Variants in TENM3 observed in about 807,000 individuals in gnomAD.
TENM3 encodes teneurin-3.
A neutral mutation model predicts 255.1 loss-of-function variants in TENM3; 63 were observed. That is an observed-to-expected ratio of 0.25 (90% CI 0.20 to 0.30). TENM3 has a LOEUF of 0.30. Ranked by LOEUF, TENM3 falls within the 10% of genes least tolerant of loss-of-function variation. TENM3 has a pLI of 1.00. For synonymous variants in TENM3, 1,306 were observed against 1,322.3 expected, an observed-to-expected ratio of 0.99 and a Z score of 0.27; for missense variants, 2,929 against 3,461.1, an observed-to-expected ratio of 0.85 and a Z score of 3.86.
intron 22 of TENM3, among the ~76,000 whole-genome samples, chr4:182,756,565 A>T (rs2152757511): frequency 6.6e-6 from 1 of 152,342 alleles, no homozygotes; most frequent in Non-Finnish European, 1.5e-5. Flanking sequence ...TGTGGTTTTC[A>T]CAATGATACG....
chr4:181,599,894 C>A, the TENM3 span, among the ~76,000 whole-genome samples: 1 of 152,124 alleles, frequency 6.6e-6, no homozygotes, highest in African/African-American at 2.4e-5. Context: ...ATCTTACAAG[C>A]CCCAGACCTA....
intron 1 of TENM3, among the ~76,000 whole-genome samples, chr4:182,246,199 T>C (rs911768026): frequency 6.6e-6 from 1 of 152,104 alleles, no homozygotes; most frequent in Non-Finnish European, 1.5e-5. Context: ...GTACCACTAA[T>C]TATCTAACCC....
the TENM3 span, among the ~76,000 whole-genome samples, chr4:181,481,781 A>T: frequency 1.3e-5 from 2 of 152,180 alleles, no homozygotes; most frequent in African/African-American, 4.8e-5. Flanking sequence ...TGTGCAAAAA[A>T]GGAGAGATAC....
At chr4:182,431,011 C>CTAAATAAG (rs1771593379) in intron 3 of TENM3, among the ~76,000 whole-genome samples, 1 of 148,194 alleles carries the variant, frequency 6.7e-6, no homozygotes, top group African/African-American at 2.5e-5. Flanking sequence ...GACTCCATCT[C>CTAAATAAG]TAAATAAATA....
chr4:182,475,172 G>A (rs1454336767), intron 3 of TENM3, among the ~76,000 whole-genome samples: 1 of 152,102 alleles, frequency 6.6e-6, no homozygotes, highest in Non-Finnish European at 1.5e-5. Flanking sequence ...CTCCTTTAGT[G>A]GTAGGTTACC....
intron 1 of TENM3, among the ~76,000 whole-genome samples, chr4:182,260,626 T>TA (rs1179101398): frequency 6.6e-6 from 1 of 152,206 alleles, no homozygotes; most frequent in African/African-American, 2.4e-5. Context: ...ATGGTTCTAT[T>TA]AAAGAAAGCC....
chr4:182,273,998 C>T (rs939607655), intron 1 of TENM3, among the ~76,000 whole-genome samples: 11 of 152,102 alleles, frequency 7.2e-5, no homozygotes, highest in African/African-American at 2.2e-4. Flanking sequence ...TTTCTCCCTA[C>T]AATGGACCTG....
the TENM3 span, chr4:182,081,825 A>T: frequency 6.6e-6 from 1 of 151,682 alleles, no homozygotes; most frequent in Non-Finnish European, 1.5e-5. Flanking sequence ...CTAGCACTGA[A>T]CCTAGGCGAA....
At chr4:181,543,504 G>A in the TENM3 span, among the ~76,000 whole-genome samples, 2 of 152,218 alleles carry the variant, frequency 1.3e-5, no homozygotes, top group Admixed American at 1.3e-4. Flanking sequence ...CTTAATTTCT[G>A]AAGGTATTTT....
intron 7 of TENM3, among the ~76,000 whole-genome samples, chr4:182,676,778 T>C (rs1034374648): frequency 3.9e-5 from 6 of 152,236 alleles, no homozygotes; most frequent in Non-Finnish European, 8.8e-5. Context: ...TTAAAGCAAC[T>C]TTAAATGAGG....
At chr4:182,702,938 A>G (rs980098786) in intron 12 of TENM3, among the ~76,000 whole-genome samples, 4 of 151,838 alleles carry the variant, frequency 2.6e-5, no homozygotes, top group South Asian at 2.1e-4. Flanking sequence ...GGGTTTCACC[A>G]TGTTAGCCAG....
chr4:182,784,312 C>T lies in TENM3; in HGVS notation c.5305-4781C>T, dbSNP rs200916812. ...CTGCAGGTCTGTTGGAATACCCTGC[C>T]GTGTGAGGTGTCAGTGTGCCCCTGC... On this transcript the variant is annotated intron_variant, in intron 24 of 27. Coordinates refer to ENST00000511685, the MANE Select transcript of TENM3 (RefSeq NM_001080477.4). Among the ~76,000 whole-genome samples, 140 of 152,020 alleles carry T rather than the reference C, an allele frequency of 9.2e-4. 1 individual carries two copies. The highest frequency in any genetic ancestry group is 2.5e-3 in the Admixed American group (38 of 15,278).
chr4:181,733,913 T>C, the TENM3 span, among the ~76,000 whole-genome samples: 108 of 152,296 alleles, frequency 7.1e-4, 2 homozygotes, highest in East Asian at 0.015. Context: ...GTGACTCAAA[T>C]CTTTGAAAGA....
At chr4:182,048,105 A>G in the TENM3 span, among the ~76,000 whole-genome samples, 1 of 152,214 alleles carries the variant, frequency 6.6e-6, no homozygotes, top group South Asian at 2.1e-4. Context: ...CATTTAATCA[A>G]TGTGAAATAA....
chr4:181,677,625 C>G, the TENM3 span, among the ~76,000 whole-genome samples: 2 of 152,082 alleles, frequency 1.3e-5, no homozygotes, highest in Non-Finnish European at 2.9e-5. Flanking sequence ...CCCAAATTGT[C>G]AATTTTCATA....
chr4:182,680,607 C>A lies in TENM3; in HGVS notation c.1704C>A (p.Ser568Arg). ...QYSKGRCLCF[S>R]GWKGTECDVP... ...CCAAGGGCCGCTGCCTGTGTTTCAG[C>A]GGCTGGAAGGGCACCGAGTGTGATG... Residue 568 changes from serine to arginine, a missense_variant, in exon 10 of 28, where the codon AGC becomes AGA. Ser to Arg is a moderately radical substitution (Grantham distance 110, BLOSUM62 -1). Around this residue, in one of 6 missense-constraint regions of TENM3, gnomAD observed 1,608 missense variants for 1,884.4 expected, o/e 0.85. Coordinates refer to ENST00000511685, the MANE Select transcript of TENM3 (RefSeq NM_001080477.4). 5.0e-6 allele frequency: 8 copies of A among 1,613,706 alleles called. No homozygotes were observed. Among genetic ancestry groups the A allele is most frequent in the Non-Finnish European group, 6.8e-6 (8 of 1,179,836 alleles).
chr4:182,692,275 A>G (rs1478528699), intron 12 of TENM3, among the ~76,000 whole-genome samples: 1 of 152,232 alleles, frequency 6.6e-6, no homozygotes, highest in East Asian at 1.9e-4. Context: ...TGCTGAACAG[A>G]TGGTTATAGG....
chr4:182,770,430 G>A (rs1764102242), intron 22 of TENM3, among the ~76,000 whole-genome samples: 1 of 152,062 alleles, frequency 6.6e-6, no homozygotes, highest in Non-Finnish European at 1.5e-5. Flanking sequence ...CCTCAGCCGG[G>A]CCCCTGCACC....
At chr4:181,783,941 T>A in the TENM3 span, among the ~76,000 whole-genome samples, 1 of 152,280 alleles carries the variant, frequency 6.6e-6, no homozygotes, top group Admixed American at 6.5e-5. Flanking sequence ...CTTCAAGCAG[T>A]CCTCCAGCCT....
Sources: allele counts gnomAD v4.1 joint callset (sites outside exome capture counted in the v4.1 genomes callset), GRCh38; gene constraint gnomAD v4.1.1; regional missense constraint gnomAD v4.1.1; transcripts MANE v1.5; gene names NCBI Gene and HGNC (gene_info 2026-07-23, HGNC 2026-07-21).